Variants in GAB2 observed in about 807,000 individuals in gnomAD.
The protein encoded by GAB2 is GRB2-associated-binding protein 2.
A neutral mutation model predicts 65.5 loss-of-function variants in GAB2; 26 were observed. That is an observed-to-expected ratio of 0.40 (90% confidence interval 0.29 to 0.55). The LOEUF (loss-of-function observed/expected upper bound fraction) is 0.55, where lower values mean the gene tolerates loss of function less well. GAB2 is among the 20% of genes least tolerant of loss of function. GAB2 has a pLI of 0.53. For missense variants in GAB2, 884 were observed against 875.8 expected, an observed-to-expected ratio of 1.01 and a Z score of -0.12; for synonymous variants, 321 against 329.6, an observed-to-expected ratio of 0.97 and a Z score of 0.28.
At chr11:78,306,032 G>C (rs1187525343) in intron 1 of GAB2, among the ~76,000 whole-genome samples, 1 of 152,166 alleles carries the variant, frequency 6.6e-6, no homozygotes, top group African/African-American at 2.4e-5. Context: ...TTAACGTCTA[G>C]AATGCAAACC....
At chr11:78,275,241 G>A (rs1050765443) in intron 2 of GAB2, among the ~76,000 whole-genome samples, 3 of 152,136 alleles carry the variant, frequency 2.0e-5, no homozygotes, top group African/African-American at 7.2e-5. Flanking sequence ...CCAAGGATGG[G>A]GAGTGGGTAG....
rs558364806 is a variant in GAB2 at position 78,347,244 on chromosome 11, C to T, written c.76-66343G>A. On this transcript the variant is annotated intron_variant, in intron 1 of 9. Coordinates refer to ENST00000361507, the MANE Select transcript of GAB2 (RefSeq NM_080491.3). ...GATATGAAACCCCTGGTTCTAGTTT[C>T]CAACATGCTTGCTGTGGCCAACTTC... Among the ~76,000 whole-genome samples, 263 of 152,208 alleles carry T rather than the reference C, an allele frequency of 1.7e-3. 1 individual carries two copies. Among genetic ancestry groups the T allele is most frequent in the African/African-American group, 5.7e-3 (238 of 41,536 alleles).
chr11:78,417,640 A>T lies in GAB2; in HGVS notation c.75+6T>A. The stretch of plus-strand genomic sequence containing the variant: ...CCCGCCCCTGGGCGGCCGCGCCCGC[A>T]CTCACATAGCGCCTCAACTTCTTCT... On this transcript the variant is annotated splice_donor_region_variant and intron_variant, in intron 1 of 9. Coordinates refer to ENST00000361507, the MANE Select transcript of GAB2 (RefSeq NM_080491.3). 7.5e-7 allele frequency: 1 copy of T among 1,337,264 alleles called. No homozygotes were observed. The allele number at this position is 1,337,264 out of a possible 1,614,324, so 82.8% of individuals were successfully genotyped here. A position where few individuals can be genotyped will look rare whatever the true frequency, so the allele number is the denominator to read the frequency against.
At chr11:78,248,789 T>G (rs1865365611) in intron 3 of GAB2, among the ~76,000 whole-genome samples, 2 of 152,232 alleles carry the variant, frequency 1.3e-5, no homozygotes, top group Non-Finnish European at 2.9e-5. Flanking sequence ...AACCTGAATT[T>G]GAACCCATAT....
chr11:78,262,732 A>G (rs752637592), intron 2 of GAB2, among the ~76,000 whole-genome samples: 2 of 152,204 alleles, frequency 1.3e-5, no homozygotes, highest in Non-Finnish European at 2.9e-5. Flanking sequence ...TTAAAATTGC[A>G]GTCCAAAAGG....
chr11:78,363,320 C>T (rs1458724990), intron 1 of GAB2, among the ~76,000 whole-genome samples: 5 of 152,184 alleles, frequency 3.3e-5, no homozygotes, highest in African/African-American at 1.2e-4. Flanking sequence ...TCTCTAAATT[C>T]CTCAAGGGAA....
At chr11:78,222,248 A>G in intron 6 of GAB2, 53 bp from the exon 7 acceptor site, 3 of 1,103,926 alleles carry the variant, frequency 2.7e-6, no homozygotes, top group South Asian at 1.2e-5. Flanking sequence ...AATGCTACAC[A>G]TACACACCTT....
chr11:78,391,723 C>G (rs376651335), intron 1 of GAB2, among the ~76,000 whole-genome samples: 2 of 152,226 alleles, frequency 1.3e-5, no homozygotes, highest in Non-Finnish European at 2.9e-5. Context: ...TCACTCTGAG[C>G]CATTCAAGCC....
chr11:78,416,932 C>G (rs1198432569), intron 1 of GAB2, among the ~76,000 whole-genome samples: 1 of 152,124 alleles, frequency 6.6e-6, no homozygotes, highest in Non-Finnish European at 1.5e-5. Context: ...CGGAGAGCCT[C>G]GATCTCTCCC....
chr11:78,369,160 A>C (rs1320038798), intron 1 of GAB2, among the ~76,000 whole-genome samples: 1 of 150,266 alleles, frequency 6.7e-6, no homozygotes, highest in Admixed American at 6.6e-5. Context: ...AAAAAAAAAA[A>C]GTCAGATAAG....
At chr11:78,241,496 G>A (rs1016596194) in intron 3 of GAB2, among the ~76,000 whole-genome samples, 2 of 151,576 alleles carry the variant, frequency 1.3e-5, no homozygotes, top group East Asian at 3.9e-4. Flanking sequence ...TACAGAAAGG[G>A]AATTCAAAAT....
At chr11:78,243,103 A>G (rs1865187222) in intron 3 of GAB2, among the ~76,000 whole-genome samples, 1 of 151,870 alleles carries the variant, frequency 6.6e-6, no homozygotes, top group Middle Eastern at 3.4e-3. Context: ...CGGAGGTTGC[A>G]GTAAGCTGAG....
intron 1 of GAB2, among the ~76,000 whole-genome samples, chr11:78,401,213 T>C (rs1856967287): frequency 6.6e-6 from 1 of 152,176 alleles, no homozygotes; most frequent in Admixed American, 6.5e-5. Flanking sequence ...TTCACATTGC[T>C]GTTGCCACCA....
intron 3 of GAB2, among the ~76,000 whole-genome samples, chr11:78,240,765 G>A (rs1865111603): frequency 6.6e-6 from 1 of 151,994 alleles, no homozygotes; most frequent in African/African-American, 2.4e-5. Flanking sequence ...GGTGAGGCCA[G>A]TGCTGTGCTC....
intron 3 of GAB2, among the ~76,000 whole-genome samples, chr11:78,241,754 C>T (rs1865140615): frequency 6.6e-6 from 1 of 151,994 alleles, no homozygotes; most frequent in Admixed American, 6.6e-5. Context: ...ATTACCCAGC[C>T]AGAAGGAAAG....
chr11:78,301,337 G>A (rs7103329), intron 1 of GAB2, among the ~76,000 whole-genome samples: 1 of 143,530 alleles, frequency 7.0e-6, no homozygotes, highest in African/African-American at 2.6e-5. Context: ...GTGGTTTTTT[G>A]TTTTTTTTTT....
chr11:78,281,768 T>G (rs112379278), intron 1 of GAB2, among the ~76,000 whole-genome samples: 1 of 152,280 alleles, frequency 6.6e-6, no homozygotes, highest in East Asian at 1.9e-4. Context: ...GGAAGTTAGA[T>G]GATGACACTT....
intron 1 of GAB2, among the ~76,000 whole-genome samples, chr11:78,338,692 A>C (rs1413711042): frequency 1.3e-5 from 2 of 152,178 alleles, no homozygotes; most frequent in African/African-American, 4.8e-5. Flanking sequence ...CACAGTGTCA[A>C]AAAAACCAGA....
intron 2 of GAB2, among the ~76,000 whole-genome samples, chr11:78,251,447 C>T (rs552128986): frequency 1.3e-5 from 2 of 152,326 alleles, no homozygotes; most frequent in African/African-American, 4.8e-5. Flanking sequence ...TATAGTACTA[C>T]ACCCCAAGCC....
Sources: gnomAD v4.1 joint callset for allele counts (sites outside exome capture counted in the v4.1 genomes callset) on GRCh38, gnomAD v4.1.1 for gene constraint, MANE v1.5 for transcripts, NCBI Gene and HGNC (gene_info 2026-07-23, HGNC 2026-07-21) for gene names.